The following MYO1C variants were observed in gnomAD, a reference collection of about 807,000 sequenced individuals.
MYO1C encodes the protein unconventional myosin-Ic.
In MYO1C, 104 loss-of-function variants were observed where a neutral mutation model predicts 150.8. That is an observed-to-expected ratio of 0.69 (90% confidence interval 0.59 to 0.81). The LOEUF is 0.81. Ranked by LOEUF, MYO1C falls within the 30% of genes least tolerant of loss-of-function variation. The pLI is 0.00. For missense variants in MYO1C, 1,504 were observed against 1,435.0 expected, an observed-to-expected ratio of 1.05 and a Z score of -0.78; for synonymous variants, 663 against 579.9, an observed-to-expected ratio of 1.14 and a Z score of -2.06.
chr17:1,483,734 G>C lies in MYO1C; in HGVS notation c.232-9C>G. On this transcript the variant is annotated splice_polypyrimidine_tract_variant and intron_variant, in intron 2 of 31. Coordinates refer to ENST00000648651, the MANE Select transcript of MYO1C (RefSeq NM_001080779.2). The stretch of plus-strand genomic sequence containing the variant: ...ACGGGGCCAATGTAGGTCTGGGATC[G>C]GGGGAAGAGGGTCCAAAGTTTATCC... 6.3e-7 allele frequency: 1 copy of C among 1,593,490 alleles called. No homozygotes were observed. The highest frequency in any genetic ancestry group is 8.6e-7 in the Non-Finnish European group (1 of 1,167,372).
chr17:1,475,234 T>C (rs536606781), intron 14 of MYO1C, among the ~76,000 whole-genome samples: 3 of 152,222 alleles, frequency 2.0e-5, no homozygotes, highest in East Asian at 3.9e-4. Context: ...GCTTGGTCAA[T>C]ATGGTGAAAC....
At chr17:1,484,731 C>T (rs1013765898) in intron 1 of MYO1C, 2 of 368,048 alleles carry the variant, frequency 5.4e-6, no homozygotes, top group Admixed American at 3.8e-5. Context: ...CCCCTCCTCT[C>T]TCTGGTTCCT....
Position 1,478,028 on chromosome 17 carries a change from G to A in MYO1C, c.1402-57C>T. 2.5e-6 allele frequency: 4 copies of A among 1,612,840 alleles called. No homozygotes were observed. The highest frequency in any genetic ancestry group is 1.7e-5 in the Admixed American group (1 of 60,022). On this transcript the variant is annotated intron_variant, in intron 12 of 31. Transcript: ENST00000648651. This position sits in a 1 kb window ranked among gnomAD's most constrained non-coding sequence, Gnocchi z 6.3. ...GTGGGGTCCTGGCACCCTCTCCCAG[G>A]GGCCCCGATACCCAGGCTCCCCGTG...
chr17:1,482,742 T>C, intron 4 of MYO1C, 119 bp downstream of exon 4: 1 of 255,426 alleles, frequency 3.9e-6, no homozygotes, highest in Non-Finnish European at 7.6e-6. Flanking sequence ...CTTCTCTCCC[T>C]GCCCCTCCCC....
At chr17:1,468,727 T>C (rs2074234827) in intron 25 of MYO1C, 1 of 582,134 alleles carries the variant, frequency 1.7e-6, no homozygotes, top group Admixed American at 3.0e-5. Flanking sequence ...CTGCGGGGTT[T>C]TGAAACTGGC....
intron 25 of MYO1C, 152 bp downstream of exon 25, chr17:1,469,379 C>T (rs1446860750): frequency 6.9e-6 from 5 of 728,454 alleles, no homozygotes; most frequent in African/African-American, 5.5e-5. Context: ...TAGAGTAGAC[C>T]AGGGTAAATA....
At chr17:1,467,184 C>T (rs959137702) in intron 31 of MYO1C, 58 bp downstream of exon 31, 3 of 1,512,360 alleles carry the variant, frequency 2.0e-6, no homozygotes, top group Admixed American at 3.8e-5. Flanking sequence ...CCAAGCACAG[C>T]CAAGGAAGGC....
intron 1 of MYO1C, among the ~76,000 whole-genome samples, chr17:1,489,993 T>G (rs1159614055): frequency 1.4e-5 from 2 of 138,208 alleles, no homozygotes; most frequent in African/African-American, 5.6e-5. Flanking sequence ...AGAGCTGAGA[T>G]CATGCCACTG....
At position 1,469,612 on chromosome 17, in the gene MYO1C, G is replaced by C; in HGVS notation, c.2529C>G (p.Ala843=). Residue 843 remains alanine (A), a splice_region_variant and synonymous_variant, in exon 25 of 32, where the codon GCC becomes GCG. Coordinates refer to ENST00000648651, the MANE Select transcript of MYO1C (RefSeq NM_001080779.2). ...WPTPPPALRE[A]SELLRELCIK... ...TGCACAACTCCCGCAGAAGCTCTGA[G>C]GCCTAAGGGGAGGAGTGAGGTCAGA... 1.9e-6 allele frequency: 3 copies of C among 1,610,900 alleles called. No homozygotes were observed. Among genetic ancestry groups the C allele is most frequent in the Non-Finnish European group, 2.5e-6 (3 of 1,178,242 alleles).
intron 25 of MYO1C, chr17:1,469,222 C>T (rs969828587): frequency 2.6e-5 from 11 of 418,052 alleles, no homozygotes; most frequent in Non-Finnish European, 3.6e-5. Context: ...GGGCAAAATA[C>T]GGTAGACCGG....
chr17:1,485,709 C>A, intron 1 of MYO1C: 1 of 1,188,890 alleles, frequency 8.4e-7, no homozygotes, highest in Non-Finnish European at 1.0e-6. Context: ...CCCGGTAGCG[C>A]ATCCTGCCCG....
intron 17 of MYO1C, 23 bp downstream of exon 17, chr17:1,474,587 G>T (rs370240797): frequency 8.7e-6 from 14 of 1,612,266 alleles, no homozygotes; most frequent in Non-Finnish European, 1.2e-5. Flanking sequence ...GCACCCCTGC[G>T]CCCGGTCCCG....
intron 17 of MYO1C, among the ~76,000 whole-genome samples, chr17:1,474,027 C>T (rs1382582636): frequency 3.3e-5 from 5 of 151,978 alleles, no homozygotes; most frequent in African/African-American, 1.2e-4. Flanking sequence ...AGGCAGCTGT[C>T]AACATATGGG....
In MYO1C at chr17:1,479,552, C is replaced by T. The variant is rs770204404; in HGVS notation, c.1020+40G>A. ...GTGAGGGTGCACCCCCAGCCCCCGC[C>T]CCCGCCGTCCTCCCGTCGCCCTCTG... On this transcript the variant is annotated intron_variant, in intron 8 of 31. Transcript: ENST00000648651. This position sits in a 1 kb window ranked among gnomAD's most constrained non-coding sequence, Gnocchi z 4.2. 1 of 1,385,668 alleles carries T rather than the reference C, an allele frequency of 7.2e-7. No individual in the cohort carries two copies. Among genetic ancestry groups the T allele is most frequent in the South Asian group, 1.2e-5 (1 of 82,208 alleles). The allele number at this position is 1,385,668 out of a possible 1,614,324, so 85.8% of individuals were successfully genotyped here.
chr17:1,479,580 C>G lies in MYO1C; in HGVS notation c.1020+12G>C, dbSNP rs374101195. 3 of 1,602,520 alleles carry G rather than the reference C, an allele frequency of 1.9e-6. No homozygotes were observed. The highest frequency in any genetic ancestry group is 2.6e-6 in the Non-Finnish European group (3 of 1,172,906). ...CGCCGTCCTCCCGTCGCCCTCTGCC[C>G]GCCCCACTCACCCTGGTCAGATACT... On this transcript the variant is annotated intron_variant, in intron 8 of 31. Coordinates refer to ENST00000648651, the MANE Select transcript of MYO1C (RefSeq NM_001080779.2). This position sits in a 1 kb window ranked among gnomAD's most constrained non-coding sequence, Gnocchi z 4.2.
At chr17:1,469,870 A>G (rs2074262619) in intron 24 of MYO1C, among the ~76,000 whole-genome samples, 1 of 152,134 alleles carries the variant, frequency 6.6e-6, no homozygotes, top group Non-Finnish European at 1.5e-5. Flanking sequence ...CCCCGTCTCT[A>G]CTAAAAATAA....
At chr17:1,483,296 G>C (rs2074576006) in intron 3 of MYO1C, among the ~76,000 whole-genome samples, 1 of 151,980 alleles carries the variant, frequency 6.6e-6, no homozygotes, top group Non-Finnish European at 1.5e-5. Flanking sequence ...AGGTCACTTA[G>C]GTGGAGGCTG....
chr17:1,471,384 C>T lies in MYO1C; in HGVS notation c.2022-48G>A, dbSNP rs754903102. On this transcript the variant is annotated intron_variant, in intron 19 of 31. Transcript: ENST00000648651. ...CTCCCACCCCAGTCAGCAGCCTGCCCTGGGGACCCCAATCAGCTTTCTCTG... is the reference window on the plus strand; with the variant it reads ...CTCCCACCCCAGTCAGCAGCCTGCCTTGGGGACCCCAATCAGCTTTCTCTG... 4 of 1,536,898 alleles carry T rather than the reference C, an allele frequency of 2.6e-6. No individual in the cohort carries two copies. The East Asian group carries it at 6.9e-5, about 26-fold the overall frequency.
Position 1,479,462 on chromosome 17 carries a change from G to C in MYO1C, c.1061C>G (p.Thr354Arg), listed in dbSNP as rs1378813990. 6 of 1,514,458 alleles carry C rather than the reference G, an allele frequency of 4.0e-6. No individual in the cohort carries two copies. Among genetic ancestry groups the C allele is most frequent in the Non-Finnish European group, 5.4e-6 (6 of 1,115,700 alleles). The allele number at this position is 1,514,458 out of a possible 1,614,324, so 93.8% of individuals were successfully genotyped here. ...VEGSTLREAL[T>R]HRKIIAKGEE... ...CCCCTTGGCGATGATCTTCCTGTGT[G>C]TCAGGGCTTCTCGCAGCGTCGAGCC... Residue 354 changes from threonine (T) to arginine (R), a missense_variant, in exon 9 of 32, where the codon ACA becomes AGA. Physicochemically the swap from Thr to Arg is moderately conservative, Grantham distance 71 (BLOSUM62 -1). Transcript: ENST00000648651. This position sits in a 1 kb window ranked among gnomAD's most constrained non-coding sequence, Gnocchi z 4.2.
Sources: gnomAD v4.1 joint callset for allele counts (sites outside exome capture counted in the v4.1 genomes callset) on GRCh38, gnomAD v4.1.1 for gene constraint, Gnocchi (gnomAD v3.1) non-coding constraint, MANE v1.5 for transcripts, NCBI Gene and HGNC (gene_info 2026-07-23, HGNC 2026-07-21) for gene names.